The following PTPRK variants were observed in gnomAD, a reference collection of about 807,000 sequenced individuals.
PTPRK encodes receptor-type tyrosine-protein phosphatase kappa.
PTPRK carries 75 observed loss-of-function variants against 178.0 expected under a neutral mutation model. The ratio of observed to expected loss-of-function variants is 0.42; its 90% CI spans 0.35 to 0.51. The LOEUF (loss-of-function observed/expected upper bound fraction) is 0.51. Ranked by LOEUF, PTPRK falls within the 20% of genes least tolerant of loss-of-function variation. The pLI, the probability that PTPRK is intolerant of heterozygous loss-of-function variation, is 0.02. For synonymous variants in PTPRK, 637 were observed against 620.6 expected, an observed-to-expected ratio of 1.03 and a Z score of -0.39; for missense variants, 1,441 against 1,797.8, an observed-to-expected ratio of 0.80 and a Z score of 3.59.
In PTPRK at chr6:128,219,017, T is replaced by A; in HGVS notation, c.773A>T (p.Gln258Leu). The A allele has an allele frequency of 6.2e-7, 1 of 1,614,054 alleles. No homozygotes were observed. The highest frequency in any genetic ancestry group is 8.5e-7 in the Non-Finnish European group (1 of 1,179,926). The change falls in exon 6 of 30, where the codon CAA becomes CTA. Residue 258 changes from glutamine (Q) to leucine (L), a missense_variant. Gln to Leu is a moderately radical substitution (Grantham distance 113). Coordinates refer to ENST00000368226, the MANE Select transcript of PTPRK (RefSeq NM_002844.4). ...HRRFAASFRL[Q>L]EVTKTDQDLY... is the part of the protein sequence containing the mutation. ...ATCCTGGTCAGTTTTTGTCACTTCT[T>A]GCAATCTGAAGGAAGCGGCAAACCT...
chr6:128,196,645 G>C (rs1222743852), intron 6 of PTPRK, among the ~76,000 whole-genome samples: 1 of 152,048 alleles, frequency 6.6e-6, no homozygotes, highest in Admixed American at 6.6e-5. Context: ...AAATTTCCAG[G>C]CTAGTAAAAT....
chr6:128,275,607 T>TA (rs1298751942), intron 3 of PTPRK, among the ~76,000 whole-genome samples: 1 of 152,152 alleles, frequency 6.6e-6, no homozygotes, highest in East Asian at 1.9e-4. Context: ...AACCAGGTGT[T>TA]AAAGTTCTTA....
chr6:128,349,675 C>G (rs1163477716), intron 2 of PTPRK, among the ~76,000 whole-genome samples: 1 of 151,946 alleles, frequency 6.6e-6, no homozygotes, highest in South Asian at 2.1e-4. Flanking sequence ...GTGTCATAGG[C>G]TTTATTTGTA....
chr6:128,202,873 A>G (rs970821684), intron 6 of PTPRK, among the ~76,000 whole-genome samples: 2 of 152,212 alleles, frequency 1.3e-5, no homozygotes, highest in African/African-American at 4.8e-5. Context: ...CAAAAAATTA[A>G]GAAGGCGGGA....
At chr6:128,147,308 T>G (rs1392621470) in intron 7 of PTPRK, among the ~76,000 whole-genome samples, 1 of 150,666 alleles carries the variant, frequency 6.6e-6, no homozygotes, top group South Asian at 2.1e-4. Context: ...TTTTACAGAG[T>G]TTTTTTAACT....
intron 3 of PTPRK, among the ~76,000 whole-genome samples, chr6:128,272,269 A>T (rs1171163823): frequency 6.6e-6 from 1 of 152,180 alleles, no homozygotes; most frequent in African/African-American, 2.4e-5. Context: ...AAGAAAACCT[A>T]GGCAATACCA....
intron 2 of PTPRK, among the ~76,000 whole-genome samples, chr6:128,364,003 T>A (rs1054619232): frequency 4.6e-5 from 7 of 152,166 alleles, no homozygotes; most frequent in Admixed American, 3.9e-4. Context: ...AACTGTCTCA[T>A]TTTTTTATAG....
intron 13 of PTPRK, chr6:128,063,419 GT>G (rs1470979609): frequency 1.3e-5 from 2 of 152,092 alleles, no homozygotes; most frequent in Admixed American, 1.3e-4. Context: ...TTATGTTAGG[GT>G]AATATATAGC....
chr6:128,503,433 A>G (rs1855852635), intron 1 of PTPRK, among the ~76,000 whole-genome samples: 2 of 151,972 alleles, frequency 1.3e-5, no homozygotes, highest in South Asian at 4.2e-4. Flanking sequence ...CACTTTTTGT[A>G]CCTCCCACTC....
chr6:128,278,120 GTTTTTTAT>G (rs1190560986), intron 3 of PTPRK, among the ~76,000 whole-genome samples: 16 of 146,362 alleles, frequency 1.1e-4, no homozygotes, highest in East Asian at 1.0e-3. Flanking sequence ...GTGTTTTTGT[GTTTTTTAT>G]TTATTTATTT....
rs1053845529 is a variant in PTPRK, at chr6:128,104,988, T to C, written c.1163-14996A>G. 5.3e-5 allele frequency among the ~76,000 whole-genome samples: 8 copies of C among 152,168 alleles called. No individual in the cohort carries two copies. In the East Asian group the frequency reaches 1.3e-3, roughly 26 times the overall value. ...TCTGAAGAGTACTTAAAACATTTTA[T>C]CTATCATGAATATCAAACTAGTTTA... is the stretch of plus-strand genomic sequence containing the variant. On this transcript the variant is annotated intron_variant, in intron 7 of 29. Coordinates refer to ENST00000368226, the MANE Select transcript of PTPRK (RefSeq NM_002844.4).
At position 128,493,435 on chromosome 6, in the gene PTPRK, G is replaced by A. The variant is rs572201137; in HGVS notation, c.100+26824C>T. On this transcript the variant is annotated intron_variant, in intron 1 of 29. Transcript: ENST00000368226. ...AAATTAGCTGGGCATGGTGGCAGGC[G>A]CCTGTAGTCCCAGCTGCTTGGGAGG... Among the ~76,000 whole-genome samples, 48 of 151,858 alleles carry A rather than the reference G, an allele frequency of 3.2e-4. No individual in the cohort carries two copies. In the South Asian group the frequency reaches 8.5e-3, roughly 27 times the overall value.
intron 8 of PTPRK, among the ~76,000 whole-genome samples, chr6:128,088,688 TTATAA>T (rs1207430186): frequency 6.6e-6 from 1 of 152,208 alleles, no homozygotes; most frequent in African/African-American, 2.4e-5. Context: ...ATCAATCAAA[TTATAA>T]TATACTGTAG....
intron 7 of PTPRK, among the ~76,000 whole-genome samples, chr6:128,118,059 G>A (rs185028103): frequency 7.0e-4 from 106 of 152,224 alleles, no homozygotes; most frequent in Admixed American, 2.2e-3. Flanking sequence ...TCCTCATTAT[G>A]GAAAACACAA....
chr6:128,516,035 G>C (rs146621247), intron 1 of PTPRK, among the ~76,000 whole-genome samples: 1 of 152,238 alleles, frequency 6.6e-6, no homozygotes, highest in East Asian at 1.9e-4. Flanking sequence ...AGATTTGGTG[G>C]GAATGTTGGC....
At chr6:128,493,121 T>G (rs566009362) in intron 1 of PTPRK, among the ~76,000 whole-genome samples, 19 of 152,322 alleles carry the variant, frequency 1.2e-4, no homozygotes, top group Non-Finnish European at 2.4e-4. Flanking sequence ...AGTTGGCTGT[T>G]TCTATTGCAA....
chr6:128,242,497 A>AT, intron 4 of PTPRK, 24 bp downstream of exon 4: 1 of 1,606,674 alleles, frequency 6.2e-7, no homozygotes, highest in Non-Finnish European at 8.5e-7. Context: ...ACATAGAAAA[A>AT]TACAATTCTT....
chr6:128,190,158 A>G (rs879560306), intron 6 of PTPRK, among the ~76,000 whole-genome samples: 3 of 152,186 alleles, frequency 2.0e-5, no homozygotes, highest in Admixed American at 6.5e-5. Flanking sequence ...AGAAGTATAC[A>G]TTTGAAAATT....
intron 1 of PTPRK, among the ~76,000 whole-genome samples, chr6:128,402,486 T>A (rs1841156465): frequency 6.6e-6 from 1 of 152,158 alleles, no homozygotes; most frequent in African/African-American, 2.4e-5. Context: ...TCTCTTGACC[T>A]CGTGATCCAC....
Sources: gnomAD v4.1 joint callset for allele counts (sites outside exome capture counted in the v4.1 genomes callset) on GRCh38, gnomAD v4.1.1 for gene constraint, MANE v1.5 for transcripts, NCBI Gene and HGNC (gene_info 2026-07-23, HGNC 2026-07-21) for gene names.